Variants in ANXA8 observed in about 807,000 individuals in gnomAD.
ANXA8 encodes annexin A8.
ANXA8 carries 9 observed loss-of-function variants against 26.8 expected under a neutral mutation model. That is an observed-to-expected ratio of 0.34 (90% CI 0.20 to 0.59). The LOEUF (loss-of-function observed/expected upper bound fraction) is 0.59, where lower values mean the gene tolerates loss of function less well. ANXA8 is among the 20% of genes least tolerant of loss of function. The pLI is 0.84. For missense variants in ANXA8, 83 were observed against 238.5 expected (o/e 0.35, Z 4.29); for synonymous variants, 39 against 94.8 (o/e 0.41, Z 3.42).
chr10:47,975,903 G>A, the ANXA8 span, among the ~76,000 whole-genome samples: 2 of 143,054 alleles, frequency 1.4e-5, no homozygotes, highest in Admixed American at 1.4e-4. Context: ...TAGGAAACCT[G>A]AACTATGGAA....
chr10:47,756,550 C>T, the ANXA8 span, among the ~76,000 whole-genome samples: 194 of 143,000 alleles, frequency 1.4e-3, no homozygotes, highest in African/African-American at 4.7e-3. Context: ...CCCCCAGGCC[C>T]CCTGGGGCCC....
the ANXA8 span, among the ~76,000 whole-genome samples, chr10:47,707,079 G>C: frequency 7.0e-6 from 1 of 142,876 alleles, no homozygotes; most frequent in African/African-American, 2.4e-5. Context: ...GATGCATATT[G>C]TTACACTACT....
At chr10:47,637,029 A>G in the ANXA8 span, among the ~76,000 whole-genome samples, 2 of 151,026 alleles carry the variant, frequency 1.3e-5, no homozygotes, top group African/African-American at 2.5e-5. Flanking sequence ...CAAAGTGGCT[A>G]TCAAGATTCC....
the ANXA8 span, among the ~76,000 whole-genome samples, chr10:47,902,372 T>C: frequency 1.6e-5 from 2 of 125,258 alleles, no homozygotes; most frequent in Middle Eastern, 7.2e-3. Flanking sequence ...AAAATATATG[T>C]TGACAATTTT....
chr10:47,556,516 CA>C, the ANXA8 span, among the ~76,000 whole-genome samples: 5 of 151,538 alleles, frequency 3.3e-5, no homozygotes, highest in African/African-American at 4.9e-5. Flanking sequence ...AAGAATCTAC[CA>C]AAAAAATTAA....
chr10:47,987,603 C>G, the ANXA8 span, among the ~76,000 whole-genome samples: 30 of 149,636 alleles, frequency 2.0e-4, no homozygotes, highest in Non-Finnish European at 2.8e-4. Flanking sequence ...AACTTGGACA[C>G]CTGCATGGGG....
the ANXA8 span, among the ~76,000 whole-genome samples, chr10:47,722,744 T>C: frequency 2.1e-5 from 3 of 142,520 alleles, no homozygotes; most frequent in Admixed American, 1.4e-4. Flanking sequence ...ATCACTTCTA[T>C]CAAATTCTGT....
chr10:47,701,469 C>A, the ANXA8 span, among the ~76,000 whole-genome samples: 3 of 151,836 alleles, frequency 2.0e-5, no homozygotes, highest in Admixed American at 2.0e-4. Flanking sequence ...GAGAATGATT[C>A]ACTAAGTTAT....
chr10:47,925,751 G>A, the ANXA8 span, among the ~76,000 whole-genome samples: 1 of 148,936 alleles, frequency 6.7e-6, no homozygotes, highest in Non-Finnish European at 1.5e-5. Context: ...TTGCCCTGGA[G>A]CCTAGAGACA....
At chr10:47,651,050 T>C in the ANXA8 span, among the ~76,000 whole-genome samples, 1 of 150,960 alleles carries the variant, frequency 6.6e-6, no homozygotes, top group Non-Finnish European at 1.5e-5. Context: ...CTGGGCAACA[T>C]AGGGAGATAG....
At chr10:47,664,656 C>A in the ANXA8 span, among the ~76,000 whole-genome samples, 1 of 150,748 alleles carries the variant, frequency 6.6e-6, no homozygotes, top group Non-Finnish European at 1.5e-5. Flanking sequence ...TGTTGGATAA[C>A]TTTGTCAACT....
the ANXA8 span, among the ~76,000 whole-genome samples, chr10:47,702,223 T>A: frequency 6.6e-6 from 1 of 150,784 alleles, no homozygotes; most frequent in East Asian, 1.9e-4. Context: ...ATAGTACACA[T>A]ACATAAACAT....
chr10:47,486,247 C>G (rs1367907032), upstream of ANXA8, among the ~76,000 whole-genome samples: 4 of 151,106 alleles, frequency 2.6e-5, no homozygotes, highest in African/African-American at 9.8e-5. Context: ...GGGGGCCTTC[C>G]TTGCTAAATT....
the ANXA8 span, among the ~76,000 whole-genome samples, chr10:47,497,619 CAA>C: frequency 4.4e-5 from 5 of 114,090 alleles, no homozygotes; most frequent in African/African-American, 6.6e-5. Context: ...ACCTCCATCT[CAA>C]AAAAAAAAAA....
At chr10:47,676,372 C>T in the ANXA8 span, among the ~76,000 whole-genome samples, 37 of 151,922 alleles carry the variant, frequency 2.4e-4, 1 homozygote, top group African/African-American at 8.7e-4. Context: ...AATAAGCCAA[C>T]AAATTTAAAA....
the ANXA8 span, among the ~76,000 whole-genome samples, chr10:47,623,581 T>TG: frequency 6.3e-5 from 7 of 111,614 alleles, 3 homozygotes; most frequent in Non-Finnish European, 1.4e-4. Flanking sequence ...TTCTTAATTA[T>TG]AGTTTTATAT....
the ANXA8 span, among the ~76,000 whole-genome samples, chr10:47,556,706 G>A: frequency 6.6e-6 from 1 of 151,710 alleles, no homozygotes; most frequent in African/African-American, 2.4e-5. Context: ...GGAGTCTTCA[G>A]CTTTCTTTTT....
At chr10:47,607,988 A>G in the ANXA8 span, among the ~76,000 whole-genome samples, 220 of 146,374 alleles carry the variant, frequency 1.5e-3, 10 homozygotes, top group African/African-American at 5.6e-3. Flanking sequence ...TATTTTATCT[A>G]TTAAATTAGG....
the ANXA8 span, among the ~76,000 whole-genome samples, chr10:47,572,481 C>T: frequency 4.0e-5 from 6 of 150,654 alleles, no homozygotes; most frequent in South Asian, 2.1e-4. Context: ...TTTGGGAGGC[C>T]GAGGCAGGCA....
Sources: gnomAD v4.1 joint callset for allele counts (sites outside exome capture counted in the v4.1 genomes callset) on GRCh38, gnomAD v4.1.1 for gene constraint, MANE v1.5 for transcripts, NCBI Gene and HGNC (gene_info 2026-07-23, HGNC 2026-07-21) for gene names.